The following VWF variants were observed in gnomAD, a reference collection of about 807,000 sequenced individuals.
The protein encoded by VWF is Factor VIII related antigen.
In VWF, 176 loss-of-function variants were observed where a neutral mutation model predicts 308.6. The ratio of observed to expected loss-of-function variants is 0.57; its 90% CI spans 0.50 to 0.65. VWF has a LOEUF of 0.65. Ranked by LOEUF, VWF falls within the 30% of genes least tolerant of loss-of-function variation. The pLI is 0.00. For synonymous variants in VWF, 1,385 were observed against 1,443.4 expected (o/e 0.96, Z 0.92); for missense variants, 3,146 against 3,648.2 (o/e 0.86, Z 3.55).
At chr12:6,074,746 G>A (rs1324228331) in intron 7 of VWF, among the ~76,000 whole-genome samples, 2 of 152,146 alleles carry the variant, frequency 1.3e-5, no homozygotes, top group East Asian at 1.9e-4. Context: ...CTTGCAAGGT[G>A]ACCTCAGAAG....
At chr12:5,996,268 C>A in intron 34 of VWF, 46 bp from the exon 35 acceptor site, 1 of 1,552,528 alleles carries the variant, frequency 6.4e-7, no homozygotes, top group South Asian at 1.2e-5. Flanking sequence ...ATCCAAACCC[C>A]CATGCCTACT....
rs376988383 is a variant in VWF at position 6,057,483 on chromosome 12, A to ATTTT, written c.1729+365_1729+366insAAAA. ...GCGCCCCACCACGCCCGGCAAATTT[A>ATTTT]TTATTATTATTATTATTATTATTAT... On this transcript the variant is annotated intron_variant, in intron 14 of 51. Transcript: ENST00000261405. 4.0e-3 allele frequency among the ~76,000 whole-genome samples: 267 copies of ATTTT among 66,190 alleles called. 1 individual carries two copies. Among genetic ancestry groups the ATTTT allele is most frequent in the Non-Finnish European group, 6.8e-3 (192 of 28,256 alleles). 43.4% of individuals were successfully genotyped at this position (66,190 alleles called of 152,430 possible).
chr12:6,092,780 G>A lies in VWF; in HGVS notation c.657+2680C>T, dbSNP rs148629313. ...CTCTGTGTCCTCCATTTCACCTTTT[G>A]ACCTATAGAGGCTAATTTTAATGCA... On this transcript the variant is annotated intron_variant, in intron 6 of 51. Coordinates refer to ENST00000261405, the MANE Select transcript of VWF (RefSeq NM_000552.5). 4.8e-3 allele frequency among the ~76,000 whole-genome samples: 734 copies of A among 151,904 alleles called. 5 individuals are homozygous for A. Among genetic ancestry groups the A allele is most frequent in the Non-Finnish European group, 8.1e-3 (553 of 67,960 alleles).
chr12:5,960,172 T>C (rs1943297253), intron 47 of VWF, among the ~76,000 whole-genome samples: 1 of 150,938 alleles, frequency 6.6e-6, no homozygotes. Flanking sequence ...ATATTAGAAA[T>C]AATAGAAGGT....
intron 5 of VWF, among the ~76,000 whole-genome samples, chr12:6,107,120 T>C (rs1175247341): frequency 2.6e-5 from 4 of 152,112 alleles, no homozygotes; most frequent in Non-Finnish European, 5.9e-5. Flanking sequence ...TGGATTAACC[T>C]CTCACGGACC....
intron 6 of VWF, among the ~76,000 whole-genome samples, chr12:6,087,515 C>T (rs1401285428): frequency 3.5e-5 from 5 of 143,612 alleles, no homozygotes; most frequent in Non-Finnish European, 7.5e-5. Context: ...CCCGCCACCA[C>T]GCCCGGCTAA....
intron 5 of VWF, among the ~76,000 whole-genome samples, chr12:6,100,865 A>ACAT (rs1287460396): frequency 6.6e-6 from 1 of 152,196 alleles, no homozygotes; most frequent in Non-Finnish European, 1.5e-5. Flanking sequence ...CACATTGTGC[A>ACAT]CATGTACCCT....
chr12:6,108,942 C>G (rs1382342185), intron 5 of VWF, among the ~76,000 whole-genome samples: 2 of 147,810 alleles, frequency 1.4e-5, no homozygotes, highest in African/African-American at 5.0e-5. Flanking sequence ...GATCGCGCCA[C>G]TGCACTCCAG....
intron 16 of VWF, among the ~76,000 whole-genome samples, chr12:6,049,673 TA>T (rs1165595207): frequency 2.0e-5 from 3 of 152,204 alleles, no homozygotes; most frequent in East Asian, 1.9e-4. Flanking sequence ...AATTCTTTAC[TA>T]AAAAAGCAAG....
intron 47 of VWF, among the ~76,000 whole-genome samples, chr12:5,966,276 T>TAC (rs10657127): frequency 0.65 from 98,208 of 151,048 alleles, 32,847 homozygotes; most frequent in African/African-American, 0.78. Flanking sequence ...TGTTACACAA[T>TAC]ACACACACAC....
At chr12:6,008,626 C>T (rs759098822) in intron 34 of VWF, among the ~76,000 whole-genome samples, 1 of 152,188 alleles carries the variant, frequency 6.6e-6, no homozygotes, top group Non-Finnish European at 1.5e-5. Flanking sequence ...AAGATGCCCA[C>T]TCTCACCACT....
chr12:6,006,641 T>C (rs533484068), intron 34 of VWF, among the ~76,000 whole-genome samples: 2 of 152,024 alleles, frequency 1.3e-5, no homozygotes, highest in South Asian at 4.2e-4. Context: ...TAGCCAGGCA[T>C]GGTGGCACGT....
chr12:6,099,530 G>A (rs1053552227), intron 5 of VWF, among the ~76,000 whole-genome samples: 4 of 151,946 alleles, frequency 2.6e-5, no homozygotes, highest in Non-Finnish European at 5.9e-5. Context: ...GTTCACAATC[G>A]AAAATTATGA....
intron 47 of VWF, among the ~76,000 whole-genome samples, chr12:5,959,119 A>G (rs966709501): frequency 5.9e-5 from 9 of 152,162 alleles, no homozygotes; most frequent in African/African-American, 1.7e-4. Flanking sequence ...AGGTGGGAGA[A>G]TCACCTGAGC....
rs61751288 is a variant in VWF, at chr12:5,976,140, G to A, written c.7408C>T (p.Gln2470Ter). The change falls in exon 43 of 52, where the codon CAG (glutamine) becomes TAG (stop). Residue 2470 changes from glutamine (Q) to a stop codon, truncating the protein, a stop_gained. Transcript: ENST00000261405. LOFTEE classifies it high-confidence loss of function. ...CGACAGCTGTCCTCACAGGGCTTCT[G>A]GGAGCACTGGGCCACGCGGAGGCCC... ...VMGLRVAQCSQKPCEDSCRSG... is the reference protein window; with the variant it reads ...VMGLRVAQCS 54 of 1,613,992 alleles carry A rather than the reference G, an allele frequency of 3.3e-5. No homozygotes were observed. The highest frequency in any genetic ancestry group is 4.5e-5 in the Non-Finnish European group (53 of 1,180,038).
At chr12:6,023,826 G>C in intron 24 of VWF, 39 bp from the exon 25 acceptor site, 1 of 1,607,082 alleles carries the variant, frequency 6.2e-7, no homozygotes, top group Admixed American at 1.7e-5. Flanking sequence ...CCTATGGCCA[G>C]GTGTCAGGAA....
chr12:6,045,862 C>G (rs991113333), intron 17 of VWF, among the ~76,000 whole-genome samples: 2 of 152,178 alleles, frequency 1.3e-5, no homozygotes, highest in Non-Finnish European at 2.9e-5. Context: ...GTGCTGCAAT[C>G]CATAAATGTA....
At chr12:6,011,385 G>A (rs886147776) in intron 34 of VWF, among the ~76,000 whole-genome samples, 6 of 152,170 alleles carry the variant, frequency 3.9e-5, no homozygotes, top group African/African-American at 1.4e-4. Context: ...TGCATAATCT[G>A]GGGAAGTGCC....
At position 6,103,856 on chromosome 12, in the gene VWF, G is replaced by C. The variant is rs965069550; in HGVS notation, c.532+6518C>G. ...GAAAACTGTACTGGACATTGGCCTA[G>C]GCAAGGAATTTCTGACTAAGACTTC... On this transcript the variant is annotated intron_variant, in intron 5 of 51. Transcript: ENST00000261405. 3.3e-5 allele frequency among the ~76,000 whole-genome samples: 5 copies of C among 152,208 alleles called. No individual in the cohort carries two copies. In the East Asian group the frequency reaches 5.8e-4, roughly 18 times the overall value.
Sources: allele counts gnomAD v4.1 joint callset (sites outside exome capture counted in the v4.1 genomes callset), GRCh38; gene constraint gnomAD v4.1.1; transcripts MANE v1.5; gene names NCBI Gene and HGNC (gene_info 2026-07-23, HGNC 2026-07-21).